The following NIF3L1 variants were observed in gnomAD, a reference collection of about 807,000 sequenced individuals.
NIF3L1 encodes the protein NGG1 interacting factor 3 like 1.
Under a neutral mutation model 35.0 loss-of-function variants are expected in NIF3L1, and 26 were observed. That is an observed-to-expected ratio of 0.74 (90% CI 0.54 to 1.03). The LOEUF (loss-of-function observed/expected upper bound fraction) is 1.03. Ranked by LOEUF, NIF3L1 falls within the 50% of genes least tolerant of loss-of-function variation. NIF3L1 has a pLI of 0.00. For missense variants in NIF3L1, 449 were observed against 466.3 expected (o/e 0.96, Z 0.34); for synonymous variants, 157 against 178.9 (o/e 0.88, Z 0.98).
chr2:200,899,361 T>G, intron 5 of NIF3L1, 24 bp from the exon 6 acceptor site: 1 of 1,574,510 alleles, frequency 6.4e-7, no homozygotes, highest in Non-Finnish European at 8.7e-7. Flanking sequence ...AAAGTATTGG[T>G]CTCTTGTTTC....
rs1415338788 is a variant in NIF3L1 at position 200,897,075 on chromosome 2, G to C, written c.727-1G>C. 1 of 1,613,592 alleles carries C rather than the reference G, an allele frequency of 6.2e-7. No individual in the cohort carries two copies. Among genetic ancestry groups the C allele is most frequent in the South Asian group, 1.1e-5 (1 of 91,022 alleles). ...CGTTTCTAACTTCTGTTTCTCCTCA[G>C]CCTTTGCTTCTACATACTGGAATGG... is the stretch of plus-strand genomic sequence containing the variant. On this transcript the variant is annotated splice_acceptor_variant, in intron 4 of 6. Coordinates refer to ENST00000409020, the MANE Select transcript of NIF3L1 (RefSeq NM_001369441.2). LOFTEE classifies it high-confidence loss of function.
At chr2:200,894,251 G>C (rs116790109) in intron 3 of NIF3L1, among the ~76,000 whole-genome samples, 134 of 151,440 alleles carry the variant, frequency 8.8e-4, no homozygotes, top group African/African-American at 3.2e-3. Flanking sequence ...CTGAGAATCT[G>C]TCCAGGACAT....
At chr2:200,894,710 CTTTTTTT>C (rs74740047) in intron 3 of NIF3L1, among the ~76,000 whole-genome samples, 18 of 123,742 alleles carry the variant, frequency 1.5e-4, no homozygotes, top group Non-Finnish European at 2.3e-4. Flanking sequence ...GCCTGGCCTT[CTTTTTTT>C]TTTTTTTTTT....
Position 200,897,198 on chromosome 2 carries a change from G to C in NIF3L1, c.849G>C (p.Gly283=). 6.2e-7 allele frequency: 1 copy of C among 1,613,658 alleles called. No homozygotes were observed. The highest frequency in any genetic ancestry group is 8.5e-7 in the Non-Finnish European group (1 of 1,179,902). ...LKLSHIRLAL[G]VGRTLESQVK... is the part of the protein sequence containing the mutation. ...TATCTCATATTCGCTTAGCCCTTGG[G>C]GTGGGGAGAACCTTAGGTAAATATA... Residue 283 remains glycine (G), a synonymous_variant, in exon 5 of 7, where the codon GGG becomes GGC. Coordinates refer to ENST00000409020, the MANE Select transcript of NIF3L1 (RefSeq NM_001369441.2).
At chr2:200,893,158 T>G in intron 2 of NIF3L1, 88 bp from the exon 3 acceptor site, 1 of 1,008,472 alleles carries the variant, frequency 9.9e-7, no homozygotes, top group Non-Finnish European at 1.4e-6. Context: ...AAAAGTCATT[T>G]CTTAGAAATT....
chr2:200,902,837 G>A (rs1442426778), intron 6 of NIF3L1, among the ~76,000 whole-genome samples: 1 of 152,058 alleles, frequency 6.6e-6, no homozygotes, highest in Non-Finnish European at 1.5e-5. Flanking sequence ...TTACATAAGA[G>A]GCAAATTTTC....
At chr2:200,894,865 T>C (rs2124884942) in intron 3 of NIF3L1, among the ~76,000 whole-genome samples, 1 of 152,258 alleles carries the variant, frequency 6.6e-6, no homozygotes, top group South Asian at 2.1e-4. Context: ...TGTGAGCCAC[T>C]GCACCTGGCC....
At chr2:200,899,738 T>A (rs2040381147) in intron 6 of NIF3L1, among the ~76,000 whole-genome samples, 1 of 152,156 alleles carries the variant, frequency 6.6e-6, no homozygotes, top group African/African-American at 2.4e-5. Flanking sequence ...AGATTTCACA[T>A]CAGTGGGATA....
intron 1 of NIF3L1, chr2:200,890,605 T>C (rs996352752): frequency 6.6e-6 from 1 of 152,260 alleles, no homozygotes; most frequent in African/African-American, 2.4e-5. Context: ...AGAATGGGGT[T>C]GACAGCATTA....
In NIF3L1 at chr2:200,892,229, A is replaced by G. The variant is rs201993728; in HGVS notation, c.286A>G (p.Ile96Val). 363 of 1,614,076 alleles carry G rather than the reference A, an allele frequency of 2.2e-4. No homozygotes were observed. The highest frequency in any genetic ancestry group is 2.8e-4 in the Admixed American group (17 of 60,010). The stretch of plus-strand genomic sequence containing the variant: ...CCTCATTCTCTCCTACCATCCGCCT[A>G]TCTTCCGACCCATGAAGCGCATAAC... ...ADLILSYHPP[I>V]FRPMKRITWN... The change falls in exon 2 of 7, where the codon ATC becomes GTC. Residue 96 changes from isoleucine (I) to valine (V), a missense_variant. Transcript: ENST00000409020.
chr2:200,903,913 T>A lies in NIF3L1; in HGVS notation c.*235T>A. 1.9e-6 allele frequency: 1 copy of A among 520,190 alleles called. No homozygotes were observed. The highest frequency in any genetic ancestry group is 2.1e-5 in the South Asian group (1 of 48,372). The allele number at this position is 520,190 out of a possible 1,614,324, so 32.2% of individuals were successfully genotyped here. A position where few individuals can be genotyped will look rare whatever the true frequency, so the allele number is the denominator to read the frequency against. On this transcript the variant is annotated 3_prime_UTR_variant, in exon 7 of 7. Transcript: ENST00000409020. ...AAACTCTAGGAAAGATTGAATAAAA[T>A]CTGTTTACTTAACATTCTTTGGAAG...
At chr2:200,898,109 T>C (rs2040348226) in intron 5 of NIF3L1, among the ~76,000 whole-genome samples, 1 of 152,222 alleles carries the variant, frequency 6.6e-6, no homozygotes, top group Non-Finnish European at 1.5e-5. Context: ...CTAGCTGTTG[T>C]TAGTTTTGTG....
At chr2:200,900,017 A>C (rs2040386114) in intron 6 of NIF3L1, among the ~76,000 whole-genome samples, 1 of 152,180 alleles carries the variant, frequency 6.6e-6, no homozygotes, top group Non-Finnish European at 1.5e-5. Flanking sequence ...TGGAGCCTGA[A>C]CATTGCATCC....
intron 4 of NIF3L1, among the ~76,000 whole-genome samples, chr2:200,896,756 G>T (rs964434227): frequency 1.3e-5 from 2 of 151,992 alleles, no homozygotes; most frequent in Admixed American, 6.6e-5. Flanking sequence ...CTAATTTTTG[G>T]ATTTTTTTGT....
intron 6 of NIF3L1, among the ~76,000 whole-genome samples, chr2:200,901,781 T>C (rs532731035): frequency 3.3e-5 from 5 of 152,356 alleles, no homozygotes; most frequent in Admixed American, 6.5e-5. Flanking sequence ...GCCAAGCTTT[T>C]CTTTCCATTG....
chr2:200,897,082 C>T lies in NIF3L1; in HGVS notation c.733C>T (p.Leu245Phe), dbSNP rs2040330155. 5.0e-6 allele frequency: 8 copies of T among 1,613,714 alleles called. No homozygotes were observed. The highest frequency in any genetic ancestry group is 6.8e-6 in the Non-Finnish European group (8 of 1,179,826). ...AACTTCTGTTTCTCCTCAGCCTTTGCTTCTACATACTGGAATGGGACGGTT... is the reference window on the plus strand; with the variant it reads ...AACTTCTGTTTCTCCTCAGCCTTTGTTTCTACATACTGGAATGGGACGGTT... ...TEILSLEKPL[L>F]LHTGMGRLCT... The change falls in exon 5 of 7, where the codon CTT (leucine) becomes TTT (phenylalanine). Residue 245 changes from leucine (L) to phenylalanine (F), a missense_variant. Physicochemically the swap from Leu to Phe is conservative, Grantham distance 22. Transcript: ENST00000409020.
chr2:200,892,073 T>C lies in NIF3L1; in HGVS notation c.130T>C (p.Ser44Pro). 6.2e-7 allele frequency: 1 copy of C among 1,614,192 alleles called. No individual in the cohort carries two copies. Among genetic ancestry groups the C allele is most frequent in the African/African-American group, 1.3e-5 (1 of 75,044 alleles). Residue 44 changes from serine (S) to proline (P), a missense_variant, in exon 2 of 7, where the codon TCG (serine) becomes CCG (proline). Physicochemically the swap from Ser to Pro is moderately conservative, Grantham distance 74 (BLOSUM62 -1). Transcript: ENST00000409020. ...LSSLNDFASL[S>P]FAESWDNVGL... ...TTCCTTGAATGACTTTGCATCCCTC[T>C]CGTTTGCTGAGAGTTGGGACAATGT...
intron 4 of NIF3L1, among the ~76,000 whole-genome samples, chr2:200,895,913 C>T (rs2040301332): frequency 6.6e-6 from 1 of 151,692 alleles, no homozygotes; most frequent in African/African-American, 2.4e-5. Context: ...ATGTTTTGCA[C>T]TTACAGAGCC....
intron 2 of NIF3L1, 147 bp from the exon 3 acceptor site, chr2:200,893,099 A>G (rs2040233972): frequency 2.0e-6 from 1 of 495,466 alleles, no homozygotes; most frequent in Admixed American, 3.5e-5. Context: ...GGTGATGTAT[A>G]TCTAAGGGAT....
Sources: allele counts gnomAD v4.1 joint callset (sites outside exome capture counted in the v4.1 genomes callset), GRCh38; gene constraint gnomAD v4.1.1; transcripts MANE v1.5; gene names NCBI Gene and HGNC (gene_info 2026-07-23, HGNC 2026-07-21).